The following MFSD11 variants were observed in gnomAD, a reference collection of about 807,000 sequenced individuals.
MFSD11 encodes the protein UNC93-like protein MFSD11.
In MFSD11, 36 loss-of-function variants were observed where a neutral mutation model predicts 53.5. The ratio of observed to expected loss-of-function variants is 0.67; its 90% CI spans 0.52 to 0.89. The LOEUF is 0.89. Among genes scored for constraint, MFSD11 ranks in the 40% least tolerant of loss-of-function variants. The probability of loss-of-function intolerance (pLI) is 0.00; values close to 1 mark genes in which losing one functional copy is unlikely to be tolerated. For synonymous variants in MFSD11, 186 were observed against 184.9 expected (o/e 1.01, Z -0.05); for missense variants, 530 against 543.9 (o/e 0.97, Z 0.25).
intron 8 of MFSD11, among the ~76,000 whole-genome samples, chr17:76,756,262 AC>A (rs2079619959): frequency 6.6e-6 from 1 of 151,390 alleles, no homozygotes; most frequent in Admixed American, 6.6e-5. Flanking sequence ...AACTGGGACT[AC>A]AGGCACGTGC....
the MFSD11 span, among the ~76,000 whole-genome samples, chr17:76,798,351 C>T: frequency 9.2e-5 from 14 of 152,228 alleles, no homozygotes; most frequent in South Asian, 1.5e-3. Context: ...TCACCAACCT[C>T]GAAGCTCATC....
intron 8 of MFSD11, among the ~76,000 whole-genome samples, chr17:76,762,582 G>A (rs1322666583): frequency 1.3e-5 from 2 of 150,360 alleles, no homozygotes; most frequent in African/African-American, 4.9e-5. Context: ...TGTGAACCGA[G>A]GAGGTGGAGC....
At chr17:76,767,080 C>A in intron 8 of MFSD11, 1 of 263,268 alleles carries the variant, frequency 3.8e-6, no homozygotes, top group Non-Finnish European at 7.2e-6. Flanking sequence ...TTAATCATGC[C>A]TTTTGAAGTA....
At chr17:76,749,289 C>T (rs914910485) in intron 7 of MFSD11, among the ~76,000 whole-genome samples, 3 of 151,868 alleles carry the variant, frequency 2.0e-5, no homozygotes, top group South Asian at 2.1e-4. Flanking sequence ...TTTGGGAGGC[C>T]GAGACAGGCG....
intron 10 of MFSD11, among the ~76,000 whole-genome samples, chr17:76,771,912 C>T (rs942308407): frequency 6.6e-6 from 1 of 152,020 alleles, no homozygotes; most frequent in African/African-American, 2.4e-5. Flanking sequence ...GTGGGAAATG[C>T]AGGCTGATGC....
At chr17:76,749,441 A>G (rs553015212) in intron 7 of MFSD11, among the ~76,000 whole-genome samples, 1 of 152,134 alleles carries the variant, frequency 6.6e-6, no homozygotes, top group East Asian at 1.9e-4. Flanking sequence ...AGGTGGGAGA[A>G]TCGCTTACGC....
chr17:76,775,014 C>T lies in MFSD11; in HGVS notation c.892C>T (p.Leu298=), dbSNP rs1473404767. 6.2e-7 allele frequency: 1 copy of T among 1,613,736 alleles called. No homozygotes were observed. The highest frequency in any genetic ancestry group is 8.5e-7 in the Non-Finnish European group (1 of 1,179,868). The part of the protein sequence containing the change: ...GEILGGSLFG[L]LSKNNRFGRN... Reference sequence around the variant, plus strand: ...ACTTATAGGTGGAAGCCTCTTCGGCCTGCTGAGCAAGAACAATCGTTTTGG... The same window carrying T: ...ACTTATAGGTGGAAGCCTCTTCGGCTTGCTGAGCAAGAACAATCGTTTTGG... The change falls in exon 11 of 13, where the codon CTG becomes TTG. Residue 298 remains leucine (L), a synonymous_variant. Coordinates refer to ENST00000685175, the MANE Select transcript of MFSD11 (RefSeq NM_001242532.5).
At chr17:76,752,175 G>A (rs773380946) in intron 7 of MFSD11, among the ~76,000 whole-genome samples, 1 of 152,184 alleles carries the variant, frequency 6.6e-6, no homozygotes, top group Admixed American at 6.5e-5. Flanking sequence ...TCAGTCCTCA[G>A]ACAGCTGCAG....
chr17:76,787,301 A>T, the MFSD11 span, among the ~76,000 whole-genome samples: 1 of 149,916 alleles, frequency 6.7e-6, no homozygotes, highest in African/African-American at 2.4e-5. Flanking sequence ...ACGCCCAGCT[A>T]ATTTTTTGTA....
Position 76,738,920 on chromosome 17 carries a change from G to A in MFSD11, c.97-18G>A. 6.2e-7 allele frequency: 1 copy of A among 1,612,658 alleles called. No homozygotes were observed. Among genetic ancestry groups the A allele is most frequent in the Non-Finnish European group, 8.5e-7 (1 of 1,178,694 alleles). On this transcript the variant is annotated intron_variant, in intron 1 of 12. Transcript: ENST00000685175. ...GACTGCAAAACATTTTCGTTGATTAGTTTTATCTTCCACACAGCAAACTGT... is the reference window on the plus strand; with the variant it reads ...GACTGCAAAACATTTTCGTTGATTAATTTTATCTTCCACACAGCAAACTGT...
chr17:76,756,794 A>G (rs1475776858), intron 8 of MFSD11, among the ~76,000 whole-genome samples: 1 of 149,514 alleles, frequency 6.7e-6, no homozygotes, highest in Non-Finnish European at 1.5e-5. Context: ...TAGGAGGCGG[A>G]GGTTGCAGTG....
chr17:76,772,089 C>A (rs1021518164), intron 10 of MFSD11, among the ~76,000 whole-genome samples: 1 of 152,012 alleles, frequency 6.6e-6, no homozygotes, highest in Non-Finnish European at 1.5e-5. Context: ...CTGTAGGCAA[C>A]CTGCTTTTTT....
At position 76,739,023 on chromosome 17, in the gene MFSD11, A is replaced by G. The variant is rs1280641185; in HGVS notation, c.152+30A>G. ...TGTACCGTATGATTGATTTTGCTTT[A>G]TATTTGACAGTAGTTGCTTAAATCT... is the stretch of plus-strand genomic sequence containing the variant. On this transcript the variant is annotated intron_variant, in intron 2 of 12. Transcript: ENST00000685175. 18 of 1,571,906 alleles carry G rather than the reference A, an allele frequency of 1.1e-5. No individual in the cohort carries two copies. The Admixed American group carries it at 2.8e-4, about 25-fold the overall frequency.
intron 8 of MFSD11, among the ~76,000 whole-genome samples, chr17:76,766,681 C>T (rs915282602): frequency 2.6e-5 from 4 of 152,034 alleles, no homozygotes; most frequent in African/African-American, 9.7e-5. Flanking sequence ...AGGTAAGTTT[C>T]GTGGCCAGCA....
chr17:76,777,232 C>T (rs2081925766), intron 12 of MFSD11, among the ~76,000 whole-genome samples: 1 of 148,226 alleles, frequency 6.7e-6, no homozygotes, highest in African/African-American at 2.5e-5. Flanking sequence ...CGCGCCACTG[C>T]ACTTCAGCCT....
upstream of MFSD11, chr17:76,737,144 G>A: frequency 6.3e-7 from 1 of 1,589,518 alleles, no homozygotes; most frequent in African/African-American, 1.3e-5. Context: ...ATCGGGAGGG[G>A]GGCGGCCGTA....
chr17:76,759,110 A>T (rs12450926), intron 8 of MFSD11, among the ~76,000 whole-genome samples: 137,064 of 151,904 alleles, frequency 0.9, 63,457 homozygotes, highest in Non-Finnish European at 1. Flanking sequence ...AATAAAAATT[A>T]GCTGGGAATG....
Position 76,778,222 on chromosome 17 carries a change from A to G in MFSD11, c.1220A>G (p.Asn407Ser), listed in dbSNP as rs746410097. ...ICAAVAFFYSNYLLLHWQLLV... is the reference protein window; with the variant it reads ...ICAAVAFFYSSYLLLHWQLLV... The stretch of plus-strand genomic sequence containing the variant: ...GCAGCCGTGGCATTTTTCTACAGCA[A>G]CTACCTTCTCCTTCACTGGCAACTC... The change falls in exon 13 of 13, where the codon AAC becomes AGC. Residue 407 changes from asparagine (N) to serine (S), a missense_variant. Transcript: ENST00000685175. 6.2e-6 allele frequency: 10 copies of G among 1,614,110 alleles called. No homozygotes were observed. The Admixed American group carries it at 8.3e-5, about 13-fold the overall frequency.
Position 76,769,796 on chromosome 17 carries a change from A to G in MFSD11, c.799A>G (p.Thr267Ala). Residue 267 changes from threonine (T) to alanine (A), a missense_variant, in exon 10 of 13, where the codon ACA (threonine) becomes GCA (alanine). By Grantham distance (58) the Thr-to-Ala change is moderately conservative (BLOSUM62 0). Transcript: ENST00000685175. ...SGVYGTCIGA[T>A]NKFGAEEKSL... is the part of the protein sequence containing the mutation. ...TGTATATGGAACCTGTATTGGTGCTACAAATAAATTTGGAGCAGAAGAGAA... is the reference window on the plus strand; with the variant it reads ...TGTATATGGAACCTGTATTGGTGCTGCAAATAAATTTGGAGCAGAAGAGAA... The G allele has an allele frequency of 6.2e-7, 1 of 1,611,594 alleles. No individual in the cohort carries two copies. The highest frequency in any genetic ancestry group is 8.5e-7 in the Non-Finnish European group (1 of 1,178,220).
Sources: allele counts gnomAD v4.1 joint callset (sites outside exome capture counted in the v4.1 genomes callset), GRCh38; gene constraint gnomAD v4.1.1; transcripts MANE v1.5; gene names NCBI Gene and HGNC (gene_info 2026-07-23, HGNC 2026-07-21).